The following MMP25 variants were observed in gnomAD, a reference collection of about 807,000 sequenced individuals.
MMP25 encodes the protein matrix metallopeptidase 25.
In MMP25, 68 loss-of-function variants were observed where a neutral mutation model predicts 62.1. That is an observed-to-expected ratio of 1.10 (90% confidence interval 0.90 to 1.34). The LOEUF (loss-of-function observed/expected upper bound fraction) is 1.34. MMP25 is among the 40% of genes most tolerant of loss of function. The pLI is 0.00. For missense variants in MMP25, 942 were observed against 792.5 expected (o/e 1.19, Z -2.26); for synonymous variants, 407 against 345.6 (o/e 1.18, Z -1.97).
intron 6 of MMP25, 44 bp downstream of exon 6, chr16:3,057,438 C>A (rs778554314): frequency 6.2e-7 from 1 of 1,601,484 alleles, no homozygotes; most frequent in South Asian, 1.1e-5. Context: ...ACCAGCTGCC[C>A]AGCCTCAGTG....
intron 7 of MMP25, 69 bp from the exon 8 acceptor site, chr16:3,058,112 C>T: frequency 6.4e-7 from 1 of 1,561,832 alleles, no homozygotes; most frequent in Non-Finnish European, 8.7e-7. Context: ...CCCCACCCAG[C>T]CACACACCCT....
At chr16:3,054,748 GCAGGGA>G (rs1370360769) in intron 4 of MMP25, 52 of 131,392 alleles carry the variant, frequency 4.0e-4, no homozygotes, top group Non-Finnish European at 5.2e-4. Flanking sequence ...ATGCACAGAG[GCAGGGA>G]TGGATGGATG....
At chr16:3,047,601 G>T in intron 2 of MMP25, 54 bp downstream of exon 2, 1 of 1,561,384 alleles carries the variant, frequency 6.4e-7, no homozygotes, top group Non-Finnish European at 8.7e-7. Context: ...CCTGTCCACC[G>T]CCCAACAGCC....
At chr16:3,055,378 C>G (rs1955988562) in intron 4 of MMP25, among the ~76,000 whole-genome samples, 1 of 152,184 alleles carries the variant, frequency 6.6e-6, no homozygotes, top group African/African-American at 2.4e-5. Flanking sequence ...AAACACCAAA[C>G]TACCCCCAGT....
rs141989362 is a variant in MMP25, at chr16:3,050,341, G to A, written c.456G>A (p.Glu152=). The A allele has an allele frequency of 3.5e-3, 5,650 of 1,614,024 alleles. 50 individuals carry two copies. Among genetic ancestry groups the A allele is most frequent in the Middle Eastern group, 0.019 (116 of 6,062 alleles). Residue 152 remains glutamate, a synonymous_variant, in exon 4 of 10, where the codon GAG becomes GAA. Transcript: ENST00000336577. ...MSYALMAWGM[E]SGLTFHEVDS... ...ATGCCCTGATGGCCTGGGGCATGGA[G>A]TCAGGCCTCACATTTCATGAGGTGG...
At chr16:3,057,637 T>G in intron 7 of MMP25, 24 bp downstream of exon 7, 1 of 1,609,262 alleles carries the variant, frequency 6.2e-7, no homozygotes, top group Non-Finnish European at 8.5e-7. Context: ...CTTGGCCTCA[T>G]ATATGTTGGT....
chr16:3,058,267 GC>G lies in MMP25; in HGVS notation c.1096del (p.Gln366ArgfsTer2), dbSNP rs759383475. The part of the protein sequence containing the change: ...RLHRFWEGLP[A>X]QVRVVQAAYA... ...GCACCGCTTCTGGGAGGGGCTGCCC[GC>G]CCAGGTGAGGGTGGTGCAGGCCGCC... On this transcript the variant is annotated frameshift_variant, in exon 8 of 10. Transcript: ENST00000336577. LOFTEE classifies it high-confidence loss of function. 6.2e-7 allele frequency: 1 copy of G among 1,610,606 alleles called. No homozygotes were observed. The highest frequency in any genetic ancestry group is 1.1e-5 in the South Asian group (1 of 90,802).
chr16:3,058,790 G>C (rs370064844), intron 9 of MMP25, 37 bp from the exon 10 acceptor site: 1 of 1,499,454 alleles, frequency 6.7e-7, no homozygotes, highest in African/African-American at 1.4e-5. Context: ...GAGCGGCGGG[G>C]CGGGGAGGGA....
chr16:3,046,905 G>A lies in MMP25; in HGVS notation c.-13G>A. The A allele has an allele frequency of 2.1e-6, 3 of 1,419,854 alleles. No homozygotes were observed. In the Admixed American group the frequency reaches 8.9e-5, roughly 42 times the overall value. The allele number at this position is 1,419,854 out of a possible 1,614,324, so 88.0% of individuals were successfully genotyped here. A position where few individuals can be genotyped will look rare whatever the true frequency, so the allele number is the denominator to read the frequency against. The stretch of plus-strand genomic sequence containing the variant: ...CCTTCGAACCCCGCCGGCGGCCCGG[G>A]CTGGGGCGCACCATGCGGCTGCGGC... On this transcript the variant is annotated 5_prime_UTR_variant, in exon 1 of 10. Transcript: ENST00000336577.
chr16:3,059,369 G>A lies in MMP25; in HGVS notation c.*271G>A. The A allele has an allele frequency of 5.7e-6, 2 of 350,556 alleles. No homozygotes were observed. The highest frequency in any genetic ancestry group is 4.3e-5 in the East Asian group (1 of 23,448). The allele number at this position is 350,556 out of a possible 1,614,324, so 21.7% of individuals were successfully genotyped here. A position where few individuals can be genotyped will look rare whatever the true frequency, so the allele number is the denominator to read the frequency against. On this transcript the variant is annotated 3_prime_UTR_variant, in exon 10 of 10. Transcript: ENST00000336577. ...GGGCGCACGCGCGCTGGGACCATGC[G>A]TCGGTCGTCGCCCCCGTCGTTCCCT...
At chr16:3,055,897 G>C (rs752419120) in intron 4 of MMP25, 2 of 455,494 alleles carry the variant, frequency 4.4e-6, no homozygotes, top group Admixed American at 2.4e-5. Flanking sequence ...GGCTTCAGCC[G>C]GGGCTGGCGT....
At position 3,057,132 on chromosome 16, in the gene MMP25, T is replaced by A. The variant is rs765059305; in HGVS notation, c.761T>A (p.Phe254Tyr). 2 of 1,613,476 alleles carry A rather than the reference T, an allele frequency of 1.2e-6. No homozygotes were observed. The highest frequency in any genetic ancestry group is 1.7e-6 in the Non-Finnish European group (2 of 1,179,782). The change falls in exon 5 of 10, where the codon TTC becomes TAC. Residue 254 changes from phenylalanine to tyrosine, a missense_variant. Physicochemically the swap from Phe to Tyr is conservative, Grantham distance 22. Coordinates refer to ENST00000336577, the MANE Select transcript of MMP25 (RefSeq NM_022468.5). ...GCCCCCAACTCCATTATGAGGCCCT[T>A]CTACCAGGGTCCGGTGGGCGACCCT... Reference protein sequence around the residue: ...SSAPNSIMRPFYQGPVGDPDK... With the variant: ...SSAPNSIMRPYYQGPVGDPDK...
At chr16:3,049,138 C>T (rs1257956735) in intron 2 of MMP25, among the ~76,000 whole-genome samples, 1 of 151,576 alleles carries the variant, frequency 6.6e-6, no homozygotes, top group Non-Finnish European at 1.5e-5. Context: ...TCCTCTGGGT[C>T]CTGATGGAGA....
chr16:3,059,303 G>C lies in MMP25; in HGVS notation c.*205G>C. ...CCTGGCGCTGGGCTCAGTCTCCTCA[G>C]GGTCTGAGACCCCGGCGCTGCCACC... On this transcript the variant is annotated 3_prime_UTR_variant, in exon 10 of 10. Coordinates refer to ENST00000336577, the MANE Select transcript of MMP25 (RefSeq NM_022468.5). 1 of 522,608 alleles carries C rather than the reference G, an allele frequency of 1.9e-6. No individual in the cohort carries two copies. Among genetic ancestry groups the C allele is most frequent in the Non-Finnish European group, 3.1e-6 (1 of 322,550 alleles). The allele number at this position is 522,608 out of a possible 1,614,324, so 32.4% of individuals were successfully genotyped here. A position where few individuals can be genotyped will look rare whatever the true frequency, so the allele number is the denominator to read the frequency against.
chr16:3,058,226 C>A lies in MMP25; in HGVS notation c.1052C>A (p.Pro351Gln), dbSNP rs777832748. ...CAGCCCTCCGGACAGCTGGTGTCCCCGCGACCCGCACGGCTGCACCGCTTC... is the reference window on the plus strand; with the variant it reads ...CAGCCCTCCGGACAGCTGGTGTCCCAGCGACCCGCACGGCTGCACCGCTTC... Reference protein sequence around the residue: ...RLQPSGQLVSPRPARLHRFWE... With the variant: ...RLQPSGQLVSQRPARLHRFWE... Residue 351 changes from proline (P) to glutamine (Q), a missense_variant, in exon 8 of 10, where the codon CCG becomes CAG. Physicochemically the swap from Pro to Gln is moderately conservative, Grantham distance 76 (BLOSUM62 -1). Transcript: ENST00000336577. The A allele has an allele frequency of 3.7e-6, 6 of 1,612,660 alleles. No homozygotes were observed. Among genetic ancestry groups the A allele is most frequent in the Non-Finnish European group, 5.1e-6 (6 of 1,179,478 alleles).
chr16:3,058,041 G>A (rs1293239695), intron 7 of MMP25, 140 bp from the exon 8 acceptor site: 14 of 991,602 alleles, frequency 1.4e-5, no homozygotes, highest in Admixed American at 2.9e-5. Context: ...AGTCTCAGGC[G>A]GGCCAGGATG....
intron 7 of MMP25, 54 bp from the exon 8 acceptor site, chr16:3,058,127 G>GA: frequency 6.3e-7 from 1 of 1,592,444 alleles, no homozygotes; most frequent in Non-Finnish European, 8.5e-7. Flanking sequence ...CACCCTGGGG[G>GA]AGGAGACCTC....
rs780841643 is a variant in MMP25 at position 3,057,621 on chromosome 16, A to C, written c.1006+8A>C. The C allele has an allele frequency of 7.4e-6, 12 of 1,613,532 alleles. No individual in the cohort carries two copies. The highest frequency in any genetic ancestry group is 8.5e-6 in the Non-Finnish European group (10 of 1,179,586). On this transcript the variant is annotated splice_region_variant and intron_variant, in intron 7 of 9. Transcript: ENST00000336577. ...AAACTTTCTTCTTCAAAGGTGAGTCATTTCACTTGGCCTCATATATGTTGG... is the reference window on the plus strand; with the variant it reads ...AAACTTTCTTCTTCAAAGGTGAGTCCTTTCACTTGGCCTCATATATGTTGG...
chr16:3,055,367 G>A (rs1203361514), intron 4 of MMP25, among the ~76,000 whole-genome samples: 1 of 152,158 alleles, frequency 6.6e-6, no homozygotes, highest in African/African-American at 2.4e-5. Context: ...CGCCCTGATT[G>A]AAACACCAAA....
Sources: allele counts gnomAD v4.1 joint callset (sites outside exome capture counted in the v4.1 genomes callset), GRCh38; gene constraint gnomAD v4.1.1; transcripts MANE v1.5; gene names NCBI Gene and HGNC (gene_info 2026-07-23, HGNC 2026-07-21).